Variants in GRAMD2A observed in about 807,000 individuals in gnomAD.
GRAMD2A encodes the protein GRAM domain-containing protein 2A.
Under a neutral mutation model 51.1 loss-of-function variants are expected in GRAMD2A, and 37 were observed. That is an observed-to-expected ratio of 0.72 (90% CI 0.56 to 0.95). GRAMD2A has a LOEUF of 0.95. GRAMD2A is among the 40% of genes least tolerant of loss of function. The pLI is 0.00. For synonymous variants in GRAMD2A, 136 were observed against 157.1 expected (o/e 0.87, Z 1.01); for missense variants, 414 against 426.9 (o/e 0.97, Z 0.27).
chr15:72,184,348 C>T (rs1292852842), intron 1 of GRAMD2A, among the ~76,000 whole-genome samples: 3 of 152,270 alleles, frequency 2.0e-5, no homozygotes, highest in African/African-American at 2.4e-5. Flanking sequence ...GCGCCCGCGG[C>T]GGCACTGATC....
In GRAMD2A at chr15:72,194,795, C is replaced by T. The variant is rs28667521; in HGVS notation, c.41+2936G>A. ...CTCTGCCTCCCAGGTTCCAGAGATT[C>T]TCCAGCCTCAACCTCCCAGGTAGCT... On this transcript the variant is annotated intron_variant, in intron 1 of 11. Coordinates refer to ENST00000309731, the MANE Select transcript of GRAMD2A (RefSeq NM_001012642.3). Among the ~76,000 whole-genome samples the T allele has an allele frequency of 5.8e-3, 883 of 152,210 alleles. 11 individuals are homozygous for T. The highest frequency in any genetic ancestry group is 0.02 in the African/African-American group (837 of 41,512).
chr15:72,167,877 G>C, intron 4 of GRAMD2A, 38 bp from the exon 5 acceptor site: 1 of 1,485,754 alleles, frequency 6.7e-7, no homozygotes, highest in Non-Finnish European at 9.4e-7. Context: ...CATAAGCAAG[G>C]TCAGCCCAGG....
At chr15:72,162,623 G>A (rs896517862) in intron 10 of GRAMD2A, 3 of 396,042 alleles carry the variant, frequency 7.6e-6, no homozygotes, top group East Asian at 5.0e-5. Context: ...CTGAGCTCTG[G>A]GGGGAGCTCT....
At position 72,161,973 on chromosome 15, in the gene GRAMD2A, C is replaced by T. The variant is rs1567078883; in HGVS notation, c.*36G>A. 4 of 1,612,124 alleles carry T rather than the reference C, an allele frequency of 2.5e-6. 1 individual carries two copies. The highest frequency in any genetic ancestry group is 3.4e-6 in the Non-Finnish European group (4 of 1,178,184). On this transcript the variant is annotated 3_prime_UTR_variant, in exon 12 of 12. Transcript: ENST00000309731. ...GAGACTTAGCACCCAGAACATTCTT[C>T]TTGGAGAAGGAATGGGGACAAAGGC...
chr15:72,178,016 C>T (rs1029586274), intron 1 of GRAMD2A, among the ~76,000 whole-genome samples: 5 of 152,234 alleles, frequency 3.3e-5, no homozygotes, highest in Admixed American at 6.5e-5. Context: ...GCGTGAGCCA[C>T]CGCACCTGGC....
chr15:72,170,660 C>G lies in GRAMD2A; in HGVS notation c.42-721G>C, dbSNP rs1171276240. Among the ~76,000 whole-genome samples the G allele has an allele frequency of 6.6e-6, 1 of 152,158 alleles. No individual in the cohort carries two copies. The highest frequency in any genetic ancestry group is 6.5e-5 in the Admixed American group (1 of 15,272). The stretch of plus-strand genomic sequence containing the variant: ...TGAGTTCCTGCCTCCACTAATCGCT[C>G]CAAAGAATCATTACCCTGTTCCTGC... On this transcript the variant is annotated intron_variant, in intron 1 of 11. Coordinates refer to ENST00000309731, the MANE Select transcript of GRAMD2A (RefSeq NM_001012642.3). The surrounding 1 kb of genome is among the most constrained non-coding windows in gnomAD (Gnocchi z 4.5).
chr15:72,172,075 C>T (rs1287822275), intron 1 of GRAMD2A, among the ~76,000 whole-genome samples: 1 of 151,802 alleles, frequency 6.6e-6, no homozygotes, highest in Non-Finnish European at 1.5e-5. Flanking sequence ...ATCCCCCTGC[C>T]TTGGCCTCCC....
At position 72,169,898 on chromosome 15, in the gene GRAMD2A, G is replaced by A. The variant is rs1374493319; in HGVS notation, c.83C>T (p.Pro28Leu). ...MHRKTASLNSPVSCKEKPDRV... is the reference protein window; with the variant it reads ...MHRKTASLNSLVSCKEKPDRV... ...GTCTGGTTTCTCTTTGCAGGACACAGGACTGTTCAGAGAAGCTGTCTTTCT... is the reference window on the plus strand; with the variant it reads ...GTCTGGTTTCTCTTTGCAGGACACAAGACTGTTCAGAGAAGCTGTCTTTCT... Residue 28 changes from proline (P) to leucine (L), a missense_variant, in exon 2 of 12, where the codon CCT becomes CTT. By Grantham distance (98) the Pro-to-Leu change is moderately conservative. Transcript: ENST00000309731. 1 of 1,614,222 alleles carries A rather than the reference G, an allele frequency of 6.2e-7. No individual in the cohort carries two copies. The highest frequency in any genetic ancestry group is 8.5e-7 in the Non-Finnish European group (1 of 1,180,028).
intron 1 of GRAMD2A, among the ~76,000 whole-genome samples, chr15:72,183,506 C>T (rs928674805): frequency 6.7e-6 from 1 of 148,886 alleles, no homozygotes. Flanking sequence ...CAGAGCGAGA[C>T]CATGTCTCCA....
chr15:72,162,355 AG>A lies in GRAMD2A; in HGVS notation c.978del (p.Ser327HisfsTer11). Reference sequence around the variant, plus strand: ...GAAATACGGAACGCCAGGTAGGATGAGGACATGACCAGGAAGCAGATCCTGA... The same window carrying A: ...GAAATACGGAACGCCAGGTAGGATGAGACATGACCAGGAAGCAGATCCTGA... Reference protein sequence around the residue: ...FFVLICFLVMSSSYLAFRISR... With the variant: ...FFVLICFLVMXSSYLAFRISR... On this transcript the variant is annotated frameshift_variant, in exon 11 of 12. Transcript: ENST00000309731. LOFTEE classifies it high-confidence loss of function. The A allele has an allele frequency of 6.2e-7, 1 of 1,613,810 alleles. No homozygotes were observed. The highest frequency in any genetic ancestry group is 8.5e-7 in the Non-Finnish European group (1 of 1,179,684).
At position 72,181,784 on chromosome 15, in the gene GRAMD2A, T is replaced by C. The variant is rs575884765; in HGVS notation, c.42-11845A>G. On this transcript the variant is annotated intron_variant, in intron 1 of 11. Coordinates refer to ENST00000309731, the MANE Select transcript of GRAMD2A (RefSeq NM_001012642.3). ...ACAGTCACGAGTTCAGCCTTGAACATGTGTGAGAGACATTTAAGTGGAGAT... is the reference window on the plus strand; with the variant it reads ...ACAGTCACGAGTTCAGCCTTGAACACGTGTGAGAGACATTTAAGTGGAGAT... Among the ~76,000 whole-genome samples, 71 of 152,286 alleles carry C rather than the reference T, an allele frequency of 4.7e-4. No homozygotes were observed. In the South Asian group the frequency reaches 0.014, roughly 31 times the overall value.
Position 72,163,484 on chromosome 15 carries a change from G to T in GRAMD2A, c.746-8C>A. 1 of 1,610,284 alleles carries T rather than the reference G, an allele frequency of 6.2e-7. No individual in the cohort carries two copies. The highest frequency in any genetic ancestry group is 8.5e-7 in the Non-Finnish European group (1 of 1,177,982). On this transcript the variant is annotated splice_polypyrimidine_tract_variant and splice_region_variant and intron_variant, in intron 9 of 11. Coordinates refer to ENST00000309731, the MANE Select transcript of GRAMD2A (RefSeq NM_001012642.3). The stretch of plus-strand genomic sequence containing the variant: ...CTTGGGCTCTTGACTTTTCTTTATG[G>T]ATTGGGAGAAAAAAAAAATCAGCTC...
chr15:72,183,521 AAACAACAACAAC>A lies in GRAMD2A; in HGVS notation c.42-13594_42-13583del, dbSNP rs3028402. Reference sequence around the variant, plus strand: ...CAGAGCGAGACCATGTCTCCATTAAAAACAACAACAACAACAACAACAACAAACCCGGGCATG... The same window carrying A: ...CAGAGCGAGACCATGTCTCCATTAAAAACAACAACAACAAACCCGGGCATG... On this transcript the variant is annotated intron_variant, in intron 1 of 11. Coordinates refer to ENST00000309731, the MANE Select transcript of GRAMD2A (RefSeq NM_001012642.3). 1.6e-4 allele frequency among the ~76,000 whole-genome samples: 24 copies of A among 149,622 alleles called. No homozygotes were observed. The East Asian group carries it at 4.7e-3, about 29-fold the overall frequency.
intron 1 of GRAMD2A, among the ~76,000 whole-genome samples, chr15:72,180,022 G>A (rs1480637697): frequency 6.6e-6 from 1 of 152,182 alleles, no homozygotes; most frequent in Non-Finnish European, 1.5e-5. Context: ...CTTCAGCTCA[G>A]GCCCAGCCTC....
intron 1 of GRAMD2A, among the ~76,000 whole-genome samples, chr15:72,195,336 T>C (rs1206523338): frequency 6.6e-6 from 1 of 152,216 alleles, no homozygotes. Context: ...AGCCTGAGGC[T>C]TAGAACTCAC....
At position 72,166,821 on chromosome 15, in the gene GRAMD2A, C is replaced by CA; in HGVS notation, c.472-119dup. 1.0e-6 allele frequency: 1 copy of CA among 998,896 alleles called. No individual in the cohort carries two copies. The highest frequency in any genetic ancestry group is 1.6e-6 in the Non-Finnish European group (1 of 638,768). 61.9% of individuals were successfully genotyped at this position (998,896 alleles called of 1,614,324 possible). ...AGGGGTATCAGGCCATGAGAGCCAA[C>CA]AGAAGCTCTGCCTAGGAACTTCTCT... On this transcript the variant is annotated intron_variant, in intron 6 of 11. Coordinates refer to ENST00000309731, the MANE Select transcript of GRAMD2A (RefSeq NM_001012642.3). This position sits in a 1 kb window ranked among gnomAD's most constrained non-coding sequence, Gnocchi z 4.1.
At chr15:72,186,314 T>C (rs1338907596) in intron 1 of GRAMD2A, among the ~76,000 whole-genome samples, 1 of 151,676 alleles carries the variant, frequency 6.6e-6, no homozygotes, top group Non-Finnish European at 1.5e-5. Flanking sequence ...CTTTTTCTTT[T>C]ATTTATTTAT....
At chr15:72,182,134 G>A (rs1052615349) in intron 1 of GRAMD2A, among the ~76,000 whole-genome samples, 1 of 152,102 alleles carries the variant, frequency 6.6e-6, no homozygotes, top group South Asian at 2.1e-4. Context: ...GGAGGCCGAG[G>A]AGGGTGGATC....
At chr15:72,184,608 C>T (rs2081722166) in intron 1 of GRAMD2A, among the ~76,000 whole-genome samples, 1 of 152,224 alleles carries the variant, frequency 6.6e-6, no homozygotes, top group South Asian at 2.1e-4. Flanking sequence ...CAACTCGGCT[C>T]CCCCAGGCTG....
Sources: allele counts gnomAD v4.1 joint callset (sites outside exome capture counted in the v4.1 genomes callset), GRCh38; gene constraint gnomAD v4.1.1; non-coding constraint Gnocchi (gnomAD v3.1); transcripts MANE v1.5; gene names NCBI Gene and HGNC (gene_info 2026-07-23, HGNC 2026-07-21).